The following KLHL1 variants were observed in gnomAD, a reference collection of about 807,000 sequenced individuals.
KLHL1 encodes kelch-like protein 1.
A neutral mutation model predicts 77.7 loss-of-function variants in KLHL1; 47 were observed. The ratio of observed to expected loss-of-function variants is 0.60; its 90% CI spans 0.48 to 0.77. The LOEUF (loss-of-function observed/expected upper bound fraction) is 0.77, where lower values mean the gene tolerates loss of function less well. Among genes scored for constraint, KLHL1 ranks in the 30% least tolerant of loss-of-function variants. KLHL1 has a pLI of 0.00. For synonymous variants in KLHL1, 360 were observed against 325.2 expected, an observed-to-expected ratio of 1.11 and a Z score of -1.15; for missense variants, 925 against 910.8, an observed-to-expected ratio of 1.02 and a Z score of -0.20.
intron 8 of KLHL1, among the ~76,000 whole-genome samples, chr13:69,728,161 T>G (rs940941182): frequency 3.3e-5 from 5 of 152,026 alleles, no homozygotes; most frequent in African/African-American, 1.2e-4. Context: ...TGTGTGAGTC[T>G]AAGATTAATT....
chr13:70,040,984 T>C (rs544098328), intron 1 of KLHL1, among the ~76,000 whole-genome samples: 1 of 152,316 alleles, frequency 6.6e-6, no homozygotes, highest in African/African-American at 2.4e-5. Flanking sequence ...TTTATTTTCA[T>C]GTTCAGAAAT....
At chr13:69,712,605 G>A (rs1190940913) in intron 9 of KLHL1, among the ~76,000 whole-genome samples, 1 of 151,778 alleles carries the variant, frequency 6.6e-6, no homozygotes, top group Non-Finnish European at 1.5e-5. Flanking sequence ...TTTATATATA[G>A]TTTTTCAAGG....
chr13:69,867,328 A>T (rs1268269239), intron 5 of KLHL1, among the ~76,000 whole-genome samples: 1 of 151,900 alleles, frequency 6.6e-6, no homozygotes, highest in Non-Finnish European at 1.5e-5. Flanking sequence ...CTTCCAATAA[A>T]CCCTCTCTTC....
chr13:69,946,132 A>C (rs896211631), intron 3 of KLHL1, among the ~76,000 whole-genome samples: 1 of 152,202 alleles, frequency 6.6e-6, no homozygotes, highest in African/African-American at 2.4e-5. Context: ...AAATCCCAAA[A>C]AATCTGGTAT....
chr13:69,792,463 T>C (rs571761720), intron 7 of KLHL1, among the ~76,000 whole-genome samples: 1 of 152,250 alleles, frequency 6.6e-6, no homozygotes, highest in Admixed American at 6.5e-5. Flanking sequence ...GAACAGAAAA[T>C]GGTGCAGCCA....
chr13:69,866,149 G>GTACA (rs1880357351), intron 5 of KLHL1, among the ~76,000 whole-genome samples: 1 of 152,066 alleles, frequency 6.6e-6, no homozygotes, highest in Non-Finnish European at 1.5e-5. Context: ...TTTGAAAAGA[G>GTACA]TACAGCACTT....
chr13:70,026,697 A>T (rs1885949546), intron 1 of KLHL1, among the ~76,000 whole-genome samples: 1 of 114,936 alleles, frequency 8.7e-6, no homozygotes, highest in African/African-American at 3.1e-5. Flanking sequence ...CAATTTAAGA[A>T]CTTAGGGTGT....
intron 3 of KLHL1, among the ~76,000 whole-genome samples, chr13:69,960,075 T>A (rs1884016666): frequency 6.6e-6 from 1 of 151,334 alleles, no homozygotes; most frequent in African/African-American, 2.4e-5. Flanking sequence ...TTCCTCACAT[T>A]GCTGCTTTGA....
At chr13:69,740,694 T>A in intron 7 of KLHL1, 138 bp from the exon 8 acceptor site, 1 of 527,770 alleles carries the variant, frequency 1.9e-6, no homozygotes, top group East Asian at 3.0e-5. Context: ...TGAATAGATT[T>A]ATTTCACAGT....
At chr13:69,974,634 C>T (rs1382558928) in intron 2 of KLHL1, among the ~76,000 whole-genome samples, 8 of 151,930 alleles carry the variant, frequency 5.3e-5, no homozygotes, top group South Asian at 4.1e-4. Flanking sequence ...TTGGTTGACA[C>T]CTCCTGTCTT....
intron 4 of KLHL1, among the ~76,000 whole-genome samples, chr13:69,920,890 G>A (rs1256052284): frequency 1.3e-5 from 2 of 151,854 alleles, no homozygotes; most frequent in Non-Finnish European, 2.9e-5. Context: ...AAATAAACAG[G>A]GATATTAAAT....
At chr13:69,806,062 C>T (rs745315133) in intron 6 of KLHL1, among the ~76,000 whole-genome samples, 1 of 151,998 alleles carries the variant, frequency 6.6e-6, no homozygotes, top group Non-Finnish European at 1.5e-5. Flanking sequence ...CCAGAAATAA[C>T]CCTAATACAT....
chr13:69,745,759 T>C (rs1474604310), intron 7 of KLHL1, among the ~76,000 whole-genome samples: 1 of 151,774 alleles, frequency 6.6e-6, no homozygotes, highest in Non-Finnish European at 1.5e-5. Context: ...ACATGAAAAA[T>C]ACTTGTTCTA....
intron 7 of KLHL1, among the ~76,000 whole-genome samples, chr13:69,770,256 A>G (rs1354124707): frequency 6.6e-6 from 1 of 152,160 alleles, no homozygotes; most frequent in Non-Finnish European, 1.5e-5. Flanking sequence ...CCAGAACCCA[A>G]GGTGATCACA....
intron 1 of KLHL1, among the ~76,000 whole-genome samples, chr13:69,993,295 T>C (rs1051156533): frequency 6.6e-6 from 1 of 152,006 alleles, no homozygotes; most frequent in African/African-American, 2.4e-5. Context: ...GCAGTTTATA[T>C]AGCATTTTCA....
At chr13:69,723,104 C>T (rs1202523178) in intron 8 of KLHL1, among the ~76,000 whole-genome samples, 3 of 152,142 alleles carry the variant, frequency 2.0e-5, no homozygotes, top group East Asian at 3.9e-4. Context: ...ATCTCACTCA[C>T]ATGTATACTC....
chr13:69,709,351 A>G (rs1289072328), intron 9 of KLHL1, among the ~76,000 whole-genome samples: 3 of 152,112 alleles, frequency 2.0e-5, no homozygotes, highest in Non-Finnish European at 4.4e-5. Context: ...AAGATACCAC[A>G]AGGGAGAAAA....
At chr13:69,981,547 C>T (rs1371068053) in intron 1 of KLHL1, among the ~76,000 whole-genome samples, 1 of 151,826 alleles carries the variant, frequency 6.6e-6, no homozygotes, top group African/African-American at 2.4e-5. Context: ...AAAAATTTAA[C>T]TATTTGTTTG....
intron 1 of KLHL1, among the ~76,000 whole-genome samples, chr13:69,978,086 T>C (rs1389348352): frequency 2.6e-5 from 4 of 152,160 alleles, no homozygotes; most frequent in Admixed American, 1.3e-4. Flanking sequence ...CCCCAGAATA[T>C]GGCCACTTCT....
Sources: allele counts gnomAD v4.1 joint callset (sites outside exome capture counted in the v4.1 genomes callset), GRCh38; gene constraint gnomAD v4.1.1; transcripts MANE v1.5; gene names NCBI Gene and HGNC (gene_info 2026-07-23, HGNC 2026-07-21).